ABR: variants seen among roughly 807,000 people sequenced by gnomAD.
ABR encodes the protein active breakpoint cluster region-related protein.
ABR carries 35 observed loss-of-function variants against 107.2 expected under a neutral mutation model. That is an observed-to-expected ratio of 0.33 (90% confidence interval 0.25 to 0.43). The LOEUF (loss-of-function observed/expected upper bound fraction) is 0.43, where lower values mean the gene tolerates loss of function less well. Ranked by LOEUF, ABR falls within the 20% of genes least tolerant of loss-of-function variation. The pLI is 1.00. For missense variants in ABR, 815 were observed against 1,115.2 expected (o/e 0.73, Z 3.83); for synonymous variants, 498 against 462.0 (o/e 1.08, Z -1.00).
At chr17:1,083,892 C>A in intron 4 of ABR, 1 of 416,304 alleles carries the variant, frequency 2.4e-6, no homozygotes, top group Non-Finnish European at 4.4e-6. Context: ...TGTTGGCCTG[C>A]TAGAAATTCA....
intron 3 of ABR, among the ~76,000 whole-genome samples, chr17:1,098,892 T>A (rs1009973043): frequency 3.9e-5 from 6 of 152,122 alleles, no homozygotes; most frequent in African/African-American, 1.4e-4. Flanking sequence ...TTCAAGCGAT[T>A]CTCCTGCCTC....
At chr17:1,206,260 G>T (rs888133396) in intron 1 of ABR, among the ~76,000 whole-genome samples, 1 of 152,236 alleles carries the variant, frequency 6.6e-6, no homozygotes. Context: ...CGTTTATAGT[G>T]TAACTGCCAC....
In ABR at chr17:1,014,180, G is replaced by A. The variant is rs548609413; in HGVS notation, c.1792-1016C>T. Among the ~76,000 whole-genome samples, 110 of 152,324 alleles carry A rather than the reference G, an allele frequency of 7.2e-4. 3 individuals are homozygous for A. The East Asian group carries it at 0.019, about 27-fold the overall frequency. On this transcript the variant is annotated intron_variant, in intron 16 of 22. Transcript: ENST00000302538. Reference sequence around the variant, plus strand: ...CACGAGGCCAGGCGTGGCGGCTCACGCCTGTAATCCCAGCACTTTGAGAGG... The same window carrying A: ...CACGAGGCCAGGCGTGGCGGCTCACACCTGTAATCCCAGCACTTTGAGAGG...
At chr17:1,202,889 C>CTT (rs11403936) in intron 1 of ABR, among the ~76,000 whole-genome samples, 3,084 of 145,182 alleles carry the variant, frequency 0.021, 109 homozygotes, top group East Asian at 0.13. Context: ...TTTGCCATTA[C>CTT]TTTTTTTTTT....
At chr17:1,185,797 T>C (rs2042277261) in intron 1 of ABR, among the ~76,000 whole-genome samples, 1 of 152,000 alleles carries the variant, frequency 6.6e-6, no homozygotes, top group Admixed American at 6.6e-5. Context: ...CTTTGCTCTA[T>C]TCCCATTTCC....
At chr17:1,013,910 G>T (rs1436982488) in intron 16 of ABR, among the ~76,000 whole-genome samples, 1 of 152,226 alleles carries the variant, frequency 6.6e-6, no homozygotes, top group Admixed American at 6.5e-5. Flanking sequence ...TGTAACTCGG[G>T]GGCCTTCGCG....
chr17:1,034,302 G>A (rs1238063506), intron 16 of ABR, among the ~76,000 whole-genome samples: 6 of 152,238 alleles, frequency 3.9e-5, no homozygotes, highest in Middle Eastern at 3.4e-3. Context: ...CTGCGTGCCC[G>A]ACCCTGGGGT....
At chr17:1,091,555 A>C in intron 4 of ABR, 110 bp downstream of exon 4, 1 of 1,257,320 alleles carries the variant, frequency 8.0e-7, no homozygotes, top group Non-Finnish European at 1.1e-6. Context: ...GAGAGGTCTC[A>C]GGCCTTCAAG....
At chr17:1,175,963 C>T (rs1247829343) in intron 1 of ABR, among the ~76,000 whole-genome samples, 1 of 152,058 alleles carries the variant, frequency 6.6e-6, no homozygotes, top group African/African-American at 2.4e-5. Context: ...TGGTGGCGGG[C>T]GCCTGCAGTC....
At chr17:1,100,868 G>A (rs12942046) in intron 2 of ABR, 133 bp from the exon 3 acceptor site, 111,387 of 821,144 alleles carry the variant, frequency 0.14, 8,440 homozygotes, top group South Asian at 0.21. Flanking sequence ...CTGTCACCTA[G>A]GCTGAAGTAA....
chr17:1,229,461 G>T lies in ABR; in HGVS notation c.170C>A (p.Ser57Ter), dbSNP rs1025419775. Residue 57 changes from serine to a stop codon, truncating the protein, a stop_gained, in exon 1 of 23, where the codon TCG (serine) becomes TAG (stop). Coordinates refer to the ABR transcript ENST00000574139. LOFTEE classifies it high-confidence loss of function. Reference sequence around the variant, plus strand: ...CCGGGCCAGCGCGGCCTGCGGGAGCGAGGCTTTGAGCTGCTCCTCCGCCAG... The same window carrying T: ...CCGGGCCAGCGCGGCCTGCGGGAGCTAGGCTTTGAGCTGCTCCTCCGCCAG... Among the ~76,000 whole-genome samples the T allele has an allele frequency of 6.6e-6, 1 of 151,758 alleles. No homozygotes were observed. Among genetic ancestry groups the T allele is most frequent in the South Asian group, 2.1e-4 (1 of 4,820 alleles).
chr17:1,174,381 C>T (rs185656830), intron 1 of ABR, among the ~76,000 whole-genome samples: 13 of 152,186 alleles, frequency 8.5e-5, no homozygotes, highest in South Asian at 2.1e-4. Flanking sequence ...GGGTCTGATG[C>T]GGCCCCGAGA....
chr17:1,106,676 C>G (rs1005114992), intron 2 of ABR, among the ~76,000 whole-genome samples: 1 of 152,074 alleles, frequency 6.6e-6, no homozygotes, highest in Non-Finnish European at 1.5e-5. Flanking sequence ...ATTACAGACG[C>G]CCACCACTAC....
At chr17:1,057,334 GTGTGTGTGTGTGTGT>G (rs2033420552) in intron 12 of ABR, among the ~76,000 whole-genome samples, 2 of 95,970 alleles carry the variant, frequency 2.1e-5, no homozygotes, top group African/African-American at 3.3e-5. Context: ...GTGTGTGTGT[GTGTGTGTGTGTGTGT>G]GTGTGTGTGT....
intron 14 of ABR, among the ~76,000 whole-genome samples, chr17:1,053,786 C>T (rs572429970): frequency 6.6e-6 from 1 of 152,260 alleles, no homozygotes; most frequent in African/African-American, 2.4e-5. Flanking sequence ...AGGCGAGGAC[C>T]TCCCGGCCAA....
chr17:1,209,109 C>G (rs1474045772), intron 1 of ABR, among the ~76,000 whole-genome samples: 1 of 152,124 alleles, frequency 6.6e-6, no homozygotes, highest in Non-Finnish European at 1.5e-5. Context: ...CTTCATGGTG[C>G]CTGAATCCCT....
Position 1,050,699 on chromosome 17 carries a change from A to C in ABR, c.1562-65T>G, listed in dbSNP as rs950602564. ...GCCAGGGTGGGGCAGCTGGGGCGGC[A>C]CTCAGGATGGAGGGGGACATCGCAT... On this transcript the variant is annotated intron_variant, in intron 14 of 22. Transcript: ENST00000302538. This position sits in a 1 kb window ranked among gnomAD's most constrained non-coding sequence, Gnocchi z 4.6. The C allele has an allele frequency of 6.8e-6, 9 of 1,329,488 alleles. No individual in the cohort carries two copies. In the African/African-American group the frequency reaches 1.2e-4, roughly 17 times the overall value. The allele number at this position is 1,329,488 out of a possible 1,614,324, so 82.4% of individuals were successfully genotyped here.
intron 1 of ABR, among the ~76,000 whole-genome samples, chr17:1,135,399 A>T (rs1597934339): frequency 7.1e-6 from 1 of 140,878 alleles, no homozygotes; most frequent in Admixed American, 7.2e-5. Flanking sequence ...TTTTTGAGAC[A>T]GAGTTTCACT....
chr17:1,099,594 C>T (rs1391231520), intron 3 of ABR, among the ~76,000 whole-genome samples: 2 of 152,202 alleles, frequency 1.3e-5, no homozygotes, highest in African/African-American at 4.8e-5. Context: ...TGCAAAATAC[C>T]CAAAAGAAAG....
Sources: gnomAD v4.1 joint callset for allele counts (sites outside exome capture counted in the v4.1 genomes callset) on GRCh38, gnomAD v4.1.1 for gene constraint, Gnocchi (gnomAD v3.1) non-coding constraint, MANE v1.5 for transcripts, NCBI Gene and HGNC (gene_info 2026-07-23, HGNC 2026-07-21) for gene names.